ISCA1: variants seen among roughly 807,000 people sequenced by gnomAD.
ISCA1 encodes iron-sulfur cluster assembly 1, also known as iron-sulfur cluster assembly 1 homolog, mitochondrial.
ISCA1 carries 9 observed loss-of-function variants against 14.7 expected under a neutral mutation model. The ratio of observed to expected loss-of-function variants is 0.61; its 90% confidence interval spans 0.37 to 1.07. The LOEUF (loss-of-function observed/expected upper bound fraction) is 1.07. Ranked by LOEUF, ISCA1 falls within the 50% of genes least tolerant of loss-of-function variation. The pLI, the probability that ISCA1 is intolerant of heterozygous loss-of-function variation, is 0.01. For synonymous variants in ISCA1, 38 were observed against 54.3 expected (o/e 0.70, Z 1.32); for missense variants, 102 against 150.1 (o/e 0.68, Z 1.67).
chr9:86,278,299 A>G (rs1406584993), intron 1 of ISCA1, among the ~76,000 whole-genome samples: 2 of 152,206 alleles, frequency 1.3e-5, no homozygotes, highest in African/African-American at 2.4e-5. Flanking sequence ...AAAAGACAAA[A>G]GCATTCTCTT....
Position 86,266,160 on chromosome 9 carries a change from C to T in ISCA1, c.273G>A (p.Gln91=). ...GVRVFIEKKA[Q]LTLLGTEMDY... ...CCATTTCTGTTCCTAAAAGTGTTAG[C>T]TGTGCTTTCTTTTCGATGAATACTC... is the stretch of plus-strand genomic sequence containing the variant. The change falls in exon 4 of 4, where the codon CAG becomes CAA. Residue 91 remains glutamine, a synonymous_variant. Coordinates refer to ENST00000375991, the MANE Select transcript of ISCA1 (RefSeq NM_030940.4). 6.2e-7 allele frequency: 1 copy of T among 1,609,422 alleles called. No homozygotes were observed.
In ISCA1 at chr9:86,282,411, C is replaced by T. The variant is rs1234564596; in HGVS notation, c.48G>A (p.Arg16=). The T allele has an allele frequency of 1.8e-5, 28 of 1,554,978 alleles. No homozygotes were observed. In the East Asian group the frequency reaches 2.2e-4, roughly 12 times the overall value. The change falls in exon 1 of 4, where the codon AGG becomes AGA. Residue 16 remains arginine, a synonymous_variant. Transcript: ENST00000375991. ...VRATVRAVSK[R]KLQPTRAALT... Reference sequence around the variant, plus strand: ...GGGCTGCCCGGGTGGGCTGCAGCTTCCTCTTGCTCACAGCCCGGACAGTTG... The same window carrying T: ...GGGCTGCCCGGGTGGGCTGCAGCTTTCTCTTGCTCACAGCCCGGACAGTTG...
intron 1 of ISCA1, among the ~76,000 whole-genome samples, chr9:86,280,587 C>G (rs553072076): frequency 7.6e-6 from 1 of 132,434 alleles, no homozygotes; most frequent in African/African-American, 3.2e-5. Flanking sequence ...CCAGCGAAAC[C>G]CTGTCTCAAA....
chr9:86,268,704 T>C (rs1825324663), intron 3 of ISCA1, among the ~76,000 whole-genome samples: 1 of 152,098 alleles, frequency 6.6e-6, no homozygotes, highest in East Asian at 1.9e-4. Flanking sequence ...TCTTCCTTTT[T>C]TTTTCTTTTT....
chr9:86,266,574 G>A (rs1017577108), intron 3 of ISCA1, among the ~76,000 whole-genome samples: 7 of 151,904 alleles, frequency 4.6e-5, no homozygotes, highest in South Asian at 2.1e-4. Context: ...CTAGATACAC[G>A]GATTCAAGCT....
At chr9:86,280,971 A>AC (rs904272921) in intron 1 of ISCA1, among the ~76,000 whole-genome samples, 3 of 124,814 alleles carry the variant, frequency 2.4e-5, no homozygotes, top group African/African-American at 4.4e-5. Flanking sequence ...CAAAAAACAA[A>AC]AAACAAAAAA....
At chr9:86,280,777 C>T (rs1825502619) in intron 1 of ISCA1, among the ~76,000 whole-genome samples, 1 of 151,830 alleles carries the variant, frequency 6.6e-6, no homozygotes, top group Non-Finnish European at 1.5e-5. Context: ...CAGGGAGACC[C>T]TAGGTGCATG....
chr9:86,271,856 A>C, intron 3 of ISCA1, 151 bp downstream of exon 3: 1 of 598,604 alleles, frequency 1.7e-6, no homozygotes, highest in South Asian at 2.1e-5. Flanking sequence ...AAATCAGTTA[A>C]TACATGAAAT....
chr9:86,276,149 C>T (rs190256720), intron 1 of ISCA1, among the ~76,000 whole-genome samples: 3 of 152,114 alleles, frequency 2.0e-5, no homozygotes, highest in Admixed American at 2.0e-4. Flanking sequence ...TAGATGGCCC[C>T]ATCTAGGGGT....
chr9:86,266,286 T>C, intron 3 of ISCA1, 95 bp from the exon 4 acceptor site: 4 of 1,491,700 alleles, frequency 2.7e-6, no homozygotes, highest in South Asian at 1.4e-5. Flanking sequence ...TGACTATCAA[T>C]GAAAGTCAAA....
At position 86,264,906 on chromosome 9, in the gene ISCA1, T is replaced by C. The variant is rs1446838434; in HGVS notation, c.*1137A>G. 1 of 152,172 alleles carries C rather than the reference T, an allele frequency of 6.6e-6. No individual in the cohort carries two copies. Among genetic ancestry groups the C allele is most frequent in the Non-Finnish European group, 1.5e-5 (1 of 68,042 alleles). 9.4% of individuals were successfully genotyped at this position (152,172 alleles called of 1,614,324 possible). Reference sequence around the variant, plus strand: ...TGTTAGGCTAAAATACTAAGAACTTTAGCAACTGGACCGAGGAACCAGAAA... The same window carrying C: ...TGTTAGGCTAAAATACTAAGAACTTCAGCAACTGGACCGAGGAACCAGAAA... On this transcript the variant is annotated 3_prime_UTR_variant, in exon 4 of 4. Transcript: ENST00000375991.
At chr9:86,277,109 A>ATCT (rs1564010339) in intron 1 of ISCA1, among the ~76,000 whole-genome samples, 1 of 152,126 alleles carries the variant, frequency 6.6e-6, no homozygotes, top group Non-Finnish European at 1.5e-5. Context: ...TTACAAAGTC[A>ATCT]TCTATTTTCT....
chr9:86,282,162 C>CT, intron 1 of ISCA1: 1 of 574,168 alleles, frequency 1.7e-6, no homozygotes, highest in Non-Finnish European at 3.0e-6. Flanking sequence ...ACGTAGTTTC[C>CT]GGGGCCAAGA....
At chr9:86,276,739 C>T (rs942175829) in intron 1 of ISCA1, among the ~76,000 whole-genome samples, 13 of 151,990 alleles carry the variant, frequency 8.6e-5, no homozygotes, top group Admixed American at 8.5e-4. Context: ...AGGATGATGG[C>T]ATGCGCCTGT....
At chr9:86,276,889 A>C (rs917765150) in intron 1 of ISCA1, among the ~76,000 whole-genome samples, 2 of 150,694 alleles carry the variant, frequency 1.3e-5, no homozygotes, top group Non-Finnish European at 3.0e-5. Flanking sequence ...AAAAAAAAAA[A>C]AAAAAAAGGC....
intron 1 of ISCA1, 160 bp downstream of exon 1, chr9:86,282,218 G>C: frequency 1.4e-6 from 1 of 717,494 alleles, no homozygotes; most frequent in East Asian, 3.0e-5. Context: ...AGAGGGGCCG[G>C]AGGCGAAGGA....
At chr9:86,275,615 A>C (rs927276447) in intron 1 of ISCA1, among the ~76,000 whole-genome samples, 2 of 152,240 alleles carry the variant, frequency 1.3e-5, no homozygotes, top group Non-Finnish European at 2.9e-5. Context: ...AAAAACGTGA[A>C]TGTTGTTTAG....
chr9:86,274,376 G>T, intron 1 of ISCA1, 134 bp from the exon 2 acceptor site: 1 of 626,462 alleles, frequency 1.6e-6, no homozygotes. Context: ...GTACCTTATG[G>T]ACTTTATATA....
chr9:86,274,503 A>G (rs977359426), intron 1 of ISCA1, among the ~76,000 whole-genome samples: 1 of 152,014 alleles, frequency 6.6e-6, no homozygotes, highest in African/African-American at 2.4e-5. Context: ...CCTTCTCTCT[A>G]TGGTGCTATT....
Sources: allele counts gnomAD v4.1 joint callset (sites outside exome capture counted in the v4.1 genomes callset), GRCh38; gene constraint gnomAD v4.1.1; transcripts MANE v1.5; gene names NCBI Gene and HGNC (gene_info 2026-07-23, HGNC 2026-07-21).